Variants in PPARA observed in about 807,000 individuals in gnomAD.
The protein encoded by PPARA is peroxisome proliferator-activated receptor alpha.
A neutral mutation model predicts 42.2 loss-of-function variants in PPARA; 22 were observed. The ratio of observed to expected loss-of-function variants is 0.52; its 90% CI spans 0.37 to 0.74. The LOEUF (loss-of-function observed/expected upper bound fraction) is 0.74, where lower values mean the gene tolerates loss of function less well. Ranked by LOEUF, PPARA falls within the 30% of genes least tolerant of loss-of-function variation. The pLI is 0.00. For missense variants in PPARA, 465 were observed against 608.2 expected (o/e 0.76, Z 2.48); for synonymous variants, 242 against 239.3 (o/e 1.01, Z -0.10).
At position 46,215,345 on chromosome 22, in the gene PPARA, CT is replaced by C; in HGVS notation, c.369+13del. 1 of 1,614,110 alleles carries C rather than the reference CT, an allele frequency of 6.2e-7. No individual in the cohort carries two copies. Among genetic ancestry groups the C allele is most frequent in the African/African-American group, 1.3e-5 (1 of 75,050 alleles). On this transcript the variant is annotated intron_variant, in intron 5 of 8. Coordinates refer to ENST00000407236, the MANE Select transcript of PPARA (RefSeq NM_005036.6). ...GTGAAGGCTGCAAGGTAGAGGGGAG[CT>C]GGAACAGGGCCTGGTGGCCGCCACC...
At chr22:46,168,894 C>T (rs982161358) in intron 2 of PPARA, among the ~76,000 whole-genome samples, 5 of 151,848 alleles carry the variant, frequency 3.3e-5, no homozygotes, top group African/African-American at 1.2e-4. Context: ...ACATTATTAT[C>T]GAAAATATTG....
intron 7 of PPARA, among the ~76,000 whole-genome samples, chr22:46,229,645 C>T (rs1381112906): frequency 6.6e-6 from 1 of 152,252 alleles, no homozygotes; most frequent in Non-Finnish European, 1.5e-5. Context: ...AGAATTATCT[C>T]CAAACTTTAA....
In PPARA at chr22:46,160,119, G is replaced by A. The variant is rs1382126512; in HGVS notation, c.-127+8149G>A. Reference sequence around the variant, plus strand: ...GGGCTGGTGCACTGAACCCAGAGGAGCAGGCTCCCATTCCCAGCTAAGGGT... The same window carrying A: ...GGGCTGGTGCACTGAACCCAGAGGAACAGGCTCCCATTCCCAGCTAAGGGT... On this transcript the variant is annotated intron_variant, in intron 2 of 8. Coordinates refer to ENST00000407236, the MANE Select transcript of PPARA (RefSeq NM_005036.6). The surrounding 1 kb of genome is among the most constrained non-coding windows in gnomAD (Gnocchi z 4.5). Among the ~76,000 whole-genome samples the A allele has an allele frequency of 1.4e-4, 22 of 152,260 alleles. No individual in the cohort carries two copies. Among genetic ancestry groups the A allele is most frequent in the Admixed American group, 1.4e-3 (22 of 15,282 alleles).
chr22:46,193,580 C>A lies in PPARA; in HGVS notation c.-42-4762C>A, dbSNP rs988129964. ...AAATATATACACTGAGTATATACCA[C>A]AAATATTTTAAATAATTTTTAAAAT... On this transcript the variant is annotated intron_variant, in intron 3 of 8. Coordinates refer to ENST00000407236, the MANE Select transcript of PPARA (RefSeq NM_005036.6). The surrounding 1 kb of genome is among the most constrained non-coding windows in gnomAD (Gnocchi z 5.3). 2.0e-5 allele frequency among the ~76,000 whole-genome samples: 3 copies of A among 151,898 alleles called. No individual in the cohort carries two copies. Among genetic ancestry groups the A allele is most frequent in the African/African-American group, 7.3e-5 (3 of 41,320 alleles).
At chr22:46,189,006 T>C (rs1180908795) in intron 3 of PPARA, among the ~76,000 whole-genome samples, 2 of 152,378 alleles carry the variant, frequency 1.3e-5, no homozygotes, top group South Asian at 2.1e-4. Context: ...CCTCGTCATC[T>C]GGCTGCTAAA....
rs1936245804 is a variant in PPARA at position 46,237,232 on chromosome 22, T to C, written c.*1852T>C. The C allele has an allele frequency of 6.6e-6, 1 of 152,146 alleles. No individual in the cohort carries two copies. Among genetic ancestry groups the C allele is most frequent in the Non-Finnish European group, 1.5e-5 (1 of 68,036 alleles). 9.4% of individuals were successfully genotyped at this position (152,146 alleles called of 1,614,324 possible). A position where few individuals can be genotyped will look rare whatever the true frequency, so the allele number is the denominator to read the frequency against. On this transcript the variant is annotated 3_prime_UTR_variant, in exon 9 of 9. Coordinates refer to ENST00000407236, the MANE Select transcript of PPARA (RefSeq NM_005036.6). This position sits in a 1 kb window ranked among gnomAD's most constrained non-coding sequence, Gnocchi z 6.7. ...GAGTGGGAAGGACACAGTGTGAGAC[T>C]TCCACTAGAAAAAAGTGAAAGTTAG... is the stretch of plus-strand genomic sequence containing the variant.
rs58090926 is a variant in PPARA, at chr22:46,225,787, A to AC, written c.711+5778dup. On this transcript the variant is annotated intron_variant, in intron 7 of 8. Coordinates refer to ENST00000407236, the MANE Select transcript of PPARA (RefSeq NM_005036.6). The surrounding 1 kb of genome is among the most constrained non-coding windows in gnomAD (Gnocchi z 4.1). Reference sequence around the variant, plus strand: ...CATGCATGCACGTGTAAACACACACACCCCCACACATACACGTGCACCCAC... The same window carrying AC: ...CATGCATGCACGTGTAAACACACACACCCCCCACACATACACGTGCACCCAC... 1.3e-5 allele frequency among the ~76,000 whole-genome samples: 2 copies of AC among 150,274 alleles called. No homozygotes were observed. The highest frequency in any genetic ancestry group is 3.0e-5 in the Non-Finnish European group (2 of 67,622).
In PPARA at chr22:46,167,503, A is replaced by G. The variant is rs1927255071; in HGVS notation, c.-126-9250A>G. Among the ~76,000 whole-genome samples the G allele has an allele frequency of 1.3e-5, 2 of 152,120 alleles. No individual in the cohort carries two copies. Among genetic ancestry groups the G allele is most frequent in the South Asian group, 4.2e-4 (2 of 4,808 alleles). ...ACCGTCTCTACAAAAAAATGAAAAA[A>G]TTAGTTGAGCATGATGACACTCACC... On this transcript the variant is annotated intron_variant, in intron 2 of 8. Coordinates refer to ENST00000407236, the MANE Select transcript of PPARA (RefSeq NM_005036.6). The surrounding 1 kb of genome is among the most constrained non-coding windows in gnomAD (Gnocchi z 4.1).
intron 2 of PPARA, among the ~76,000 whole-genome samples, chr22:46,170,127 A>G (rs1927761545): frequency 6.6e-6 from 1 of 150,916 alleles, no homozygotes; most frequent in African/African-American, 2.4e-5. Flanking sequence ...TTTTTTTTAG[A>G]AAAACATTTG....
At chr22:46,205,548 A>ATG (rs1569226218) in intron 4 of PPARA, among the ~76,000 whole-genome samples, 2 of 29,436 alleles carry the variant, frequency 6.8e-5, no homozygotes, top group East Asian at 1.7e-3. Flanking sequence ...ATATATATAT[A>ATG]TATATATTTT....
intron 2 of PPARA, among the ~76,000 whole-genome samples, chr22:46,166,077 C>A (rs1250119153): frequency 6.6e-6 from 1 of 152,172 alleles, no homozygotes; most frequent in African/African-American, 2.4e-5. Flanking sequence ...GATCCCAGCT[C>A]CCATGGTATA....
chr22:46,230,179 C>T lies in PPARA; in HGVS notation c.712-1613C>T, dbSNP rs1306938435. 6.6e-6 allele frequency among the ~76,000 whole-genome samples: 1 copy of T among 152,180 alleles called. No homozygotes were observed. The highest frequency in any genetic ancestry group is 6.5e-5 in the Admixed American group (1 of 15,278). On this transcript the variant is annotated intron_variant, in intron 7 of 8. Transcript: ENST00000407236. The surrounding 1 kb of genome is among the most constrained non-coding windows in gnomAD (Gnocchi z 5.0). Reference sequence around the variant, plus strand: ...CTGAGGTCAGGAGTGCGACACCAGCCTGACCAACATGGTGTAACCCCGTCT... The same window carrying T: ...CTGAGGTCAGGAGTGCGACACCAGCTTGACCAACATGGTGTAACCCCGTCT...
In PPARA at chr22:46,233,022, ACAC is replaced by A. The variant is rs1163506070; in HGVS notation, c.1159+784_1159+786del. ...AAAAATTATACACACACACACACAC[ACAC>A]ATTTCGTTTATATTATATCTAATAT... On this transcript the variant is annotated intron_variant, in intron 8 of 8. Transcript: ENST00000407236. The surrounding 1 kb of genome is among the most constrained non-coding windows in gnomAD (Gnocchi z 7.3). Among the ~76,000 whole-genome samples the A allele has an allele frequency of 1.3e-5, 2 of 149,850 alleles. No individual in the cohort carries two copies. The highest frequency in any genetic ancestry group is 1.9e-4 in the East Asian group (1 of 5,176).
At position 46,225,173 on chromosome 22, in the gene PPARA, G is replaced by C. The variant is rs1935317567; in HGVS notation, c.711+5159G>C. ...AAGGAGTGAGGGGTGGATGGAGAAT[G>C]TCTGTGTCCATCTGGACACTGGGAC... is the stretch of plus-strand genomic sequence containing the variant. On this transcript the variant is annotated intron_variant, in intron 7 of 8. Transcript: ENST00000407236. This position sits in a 1 kb window ranked among gnomAD's most constrained non-coding sequence, Gnocchi z 4.1. 6.6e-6 allele frequency among the ~76,000 whole-genome samples: 1 copy of C among 152,136 alleles called. No individual in the cohort carries two copies. The highest frequency in any genetic ancestry group is 1.5e-5 in the Non-Finnish European group (1 of 68,022).
In PPARA at chr22:46,232,824, T is replaced by G. The variant is rs1935969737; in HGVS notation, c.1159+585T>G. 7.2e-6 allele frequency among the ~76,000 whole-genome samples: 1 copy of G among 138,370 alleles called. No homozygotes were observed. Among genetic ancestry groups the G allele is most frequent in the African/African-American group, 2.8e-5 (1 of 36,128 alleles). 90.8% of individuals were successfully genotyped at this position (138,370 alleles called of 152,430 possible). ...GACCCCGTCTCTACAAAAAAAAAAA[T>G]AGAAAAAATTAGTCAAGTATGGTGG... On this transcript the variant is annotated intron_variant, in intron 8 of 8. Coordinates refer to ENST00000407236, the MANE Select transcript of PPARA (RefSeq NM_005036.6). This position sits in a 1 kb window ranked among gnomAD's most constrained non-coding sequence, Gnocchi z 5.3.
Position 46,173,616 on chromosome 22 carries a change from A to G in PPARA, c.-126-3137A>G, listed in dbSNP as rs1928428571. Among the ~76,000 whole-genome samples, 3 of 152,262 alleles carry G rather than the reference A, an allele frequency of 2.0e-5. No individual in the cohort carries two copies. The highest frequency in any genetic ancestry group is 6.5e-5 in the Admixed American group (1 of 15,276). On this transcript the variant is annotated intron_variant, in intron 2 of 8. Coordinates refer to ENST00000407236, the MANE Select transcript of PPARA (RefSeq NM_005036.6). The surrounding 1 kb of genome is among the most constrained non-coding windows in gnomAD (Gnocchi z 4.3). ...AAGAAAAGCTGCGGAAATGTTTCAG[A>G]TTAAAAGAGAGAAGACAATAAAATG...
chr22:46,194,139 C>G (rs186509591), intron 3 of PPARA, among the ~76,000 whole-genome samples: 29 of 152,266 alleles, frequency 1.9e-4, no homozygotes, highest in African/African-American at 6.7e-4. Context: ...GGGATGCATC[C>G]AAAGGCAACT....
chr22:46,209,846 A>G (rs1453297053), intron 4 of PPARA, among the ~76,000 whole-genome samples: 2 of 152,158 alleles, frequency 1.3e-5, no homozygotes, highest in Non-Finnish European at 1.5e-5. Context: ...CCTCGTCTCA[A>G]GGAATCCTCC....
intron 2 of PPARA, among the ~76,000 whole-genome samples, chr22:46,153,814 G>T (rs993760182): frequency 3.3e-5 from 5 of 151,742 alleles, no homozygotes; most frequent in African/African-American, 7.3e-5. Flanking sequence ...AGCTGAGATG[G>T]CACCACAGCA....
Sources: allele counts gnomAD v4.1 joint callset (sites outside exome capture counted in the v4.1 genomes callset), GRCh38; gene constraint gnomAD v4.1.1; non-coding constraint Gnocchi (gnomAD v3.1); transcripts MANE v1.5; gene names NCBI Gene and HGNC (gene_info 2026-07-23, HGNC 2026-07-21).